Variants in DLG1 observed in about 807,000 individuals in gnomAD.
DLG1 encodes disks large homolog 1.
DLG1 carries 42 observed loss-of-function variants against 123.4 expected under a neutral mutation model. The ratio of observed to expected loss-of-function variants is 0.34; its 90% CI spans 0.27 to 0.44. The LOEUF (loss-of-function observed/expected upper bound fraction) is 0.44. DLG1 is among the 20% of genes least tolerant of loss of function. DLG1 has a pLI of 1.00. For missense variants in DLG1, 942 were observed against 1,082.6 expected, an observed-to-expected ratio of 0.87 and a Z score of 1.82; for synonymous variants, 317 against 356.2, an observed-to-expected ratio of 0.89 and a Z score of 1.24.
At chr3:197,170,908 T>C (rs1205762291) in intron 5 of DLG1, among the ~76,000 whole-genome samples, 1 of 152,222 alleles carries the variant, frequency 6.6e-6, no homozygotes, top group African/African-American at 2.4e-5. Flanking sequence ...TTAATTTTTG[T>C]ATGCACACTT....
intron 19 of DLG1, among the ~76,000 whole-genome samples, 169 bp downstream of exon 19, chr3:197,069,050 A>G (rs930652586): frequency 1.3e-5 from 2 of 152,080 alleles, no homozygotes; most frequent in Non-Finnish European, 2.9e-5. Context: ...CTCTACATAT[A>G]TAGTATGATT....
intron 11 of DLG1, among the ~76,000 whole-genome samples, chr3:197,127,467 T>C (rs1464238346): frequency 2.1e-5 from 1 of 48,022 alleles, no homozygotes; most frequent in Non-Finnish European, 3.6e-5. Flanking sequence ...AATATATATA[T>C]ATATATATAT....
intron 5 of DLG1, among the ~76,000 whole-genome samples, chr3:197,165,444 C>T (rs1800936015): frequency 6.6e-6 from 1 of 152,166 alleles, no homozygotes. Flanking sequence ...AGTGATGATA[C>T]TTGCACAACA....
chr3:197,268,582 G>A lies in DLG1; in HGVS notation c.318+14097C>T, dbSNP rs189438799. On this transcript the variant is annotated intron_variant, in intron 4 of 24. Coordinates refer to ENST00000667157, the MANE Select transcript of DLG1 (RefSeq NM_001366207.1). ...CTACAGGCATGAAGGCACCAACCACGCCTAATTTTTTTTTTTTGTAGGGAT... is the reference window on the plus strand; with the variant it reads ...CTACAGGCATGAAGGCACCAACCACACCTAATTTTTTTTTTTTGTAGGGAT... Among the ~76,000 whole-genome samples the A allele has an allele frequency of 2.6e-4, 39 of 151,518 alleles. No individual in the cohort carries two copies. In the East Asian group the frequency reaches 6.6e-3, roughly 26 times the overall value.
chr3:197,096,266 T>C (rs1760589148), intron 14 of DLG1, among the ~76,000 whole-genome samples: 1 of 152,242 alleles, frequency 6.6e-6, no homozygotes, highest in Non-Finnish European at 1.5e-5. Context: ...TTCCCTTCCA[T>C]ATTTGTAACT....
intron 11 of DLG1, among the ~76,000 whole-genome samples, chr3:197,120,882 T>A (rs1776000085): frequency 6.6e-6 from 1 of 152,232 alleles, no homozygotes; most frequent in Admixed American, 6.5e-5. Flanking sequence ...CAATGGCTCT[T>A]AACTTTGAAA....
intron 3 of DLG1, chr3:197,294,082 A>G (rs1776218034): frequency 1.3e-5 from 2 of 152,286 alleles, no homozygotes; most frequent in African/African-American, 4.8e-5. Context: ...TTATCAGACT[A>G]AACATTTTCA....
chr3:197,128,803 C>T (rs533185146), intron 11 of DLG1, among the ~76,000 whole-genome samples: 1 of 152,260 alleles, frequency 6.6e-6, no homozygotes, highest in East Asian at 1.9e-4. Flanking sequence ...CAGCTAGGTG[C>T]ATTGTCTCAG....
intron 4 of DLG1, among the ~76,000 whole-genome samples, chr3:197,277,776 AAACT>A (rs1299638114): frequency 1.3e-5 from 2 of 152,026 alleles, no homozygotes; most frequent in African/African-American, 4.8e-5. Flanking sequence ...ATAATCTCTA[AAACT>A]AACTCACTCT....
intron 16 of DLG1, among the ~76,000 whole-genome samples, chr3:197,083,864 A>G (rs1338060253): frequency 6.6e-6 from 1 of 152,132 alleles, no homozygotes; most frequent in Non-Finnish European, 1.5e-5. Context: ...CTGGAGTCCC[A>G]GCTACTAGCT....
intron 5 of DLG1, among the ~76,000 whole-genome samples, chr3:197,188,562 A>G (rs911367379): frequency 6.6e-6 from 1 of 152,220 alleles, no homozygotes; most frequent in African/African-American, 2.4e-5. Context: ...TGTGAAGACT[A>G]AAGCTGTGCC....
intron 16 of DLG1, among the ~76,000 whole-genome samples, chr3:197,082,365 G>C (rs1245564176): frequency 6.6e-6 from 1 of 151,574 alleles, no homozygotes; most frequent in African/African-American, 2.4e-5. Flanking sequence ...GCAAGACTCC[G>C]TCCCCCACCC....
intron 3 of DLG1, among the ~76,000 whole-genome samples, chr3:197,284,614 A>C (rs1770922069): frequency 6.6e-6 from 1 of 152,166 alleles, no homozygotes; most frequent in African/African-American, 2.4e-5. Flanking sequence ...CTTACCAAAT[A>C]CCAAAGAATT....
chr3:197,202,387 C>G (rs1726246203), intron 4 of DLG1, among the ~76,000 whole-genome samples: 1 of 152,088 alleles, frequency 6.6e-6, no homozygotes, highest in African/African-American at 2.4e-5. Flanking sequence ...GGAAAAAAAG[C>G]AAACTGAATC....
rs150278699 is a variant in DLG1 at position 197,181,467 on chromosome 3, CAATA to C, written c.483+12954_483+12957del. Among the ~76,000 whole-genome samples, 620 of 152,178 alleles carry C rather than the reference CAATA, an allele frequency of 4.1e-3. 4 individuals carry two copies. The highest frequency in any genetic ancestry group is 0.014 in the African/African-American group (600 of 41,524). The stretch of plus-strand genomic sequence containing the variant: ...AAATTTCAATCTACGTTGTTTCTAA[CAATA>C]AATCCCTTAGTGCTGCAAAAGAAAG... On this transcript the variant is annotated intron_variant, in intron 5 of 24. Coordinates refer to ENST00000667157, the MANE Select transcript of DLG1 (RefSeq NM_001366207.1).
At chr3:197,079,223 T>C (rs1475041454) in intron 17 of DLG1, among the ~76,000 whole-genome samples, 1 of 152,232 alleles carries the variant, frequency 6.6e-6, no homozygotes, top group Non-Finnish European at 1.5e-5. Context: ...TAAAATATCA[T>C]AAATTCATGA....
Position 197,113,746 on chromosome 3 carries a change from G to A in DLG1, c.1443+2181C>T, listed in dbSNP as rs369589942. On this transcript the variant is annotated intron_variant, in intron 13 of 24. Transcript: ENST00000667157. ...TTAAGATTAGATAAAGAAAATTTAA[G>A]CTGCTATAGTTTCAGATTAGATATA... Among the ~76,000 whole-genome samples, 4 of 152,078 alleles carry A rather than the reference G, an allele frequency of 2.6e-5. No homozygotes were observed. In the East Asian group the frequency reaches 7.7e-4, roughly 29 times the overall value.
chr3:197,138,440 T>C (rs888421225), intron 8 of DLG1, 49 bp from the exon 9 acceptor site: 5 of 1,057,908 alleles, frequency 4.7e-6, no homozygotes, highest in African/African-American at 1.7e-5. Context: ...ATAATTTAAA[T>C]ATAAATTTTC....
At chr3:197,284,101 T>C (rs568139112) in intron 3 of DLG1, among the ~76,000 whole-genome samples, 3 of 152,184 alleles carry the variant, frequency 2.0e-5, no homozygotes, top group South Asian at 4.2e-4. Context: ...CCTCAGGTGA[T>C]CTGCCCGCTT....
Sources: gnomAD v4.1 joint callset for allele counts (sites outside exome capture counted in the v4.1 genomes callset) on GRCh38, gnomAD v4.1.1 for gene constraint, MANE v1.5 for transcripts, NCBI Gene and HGNC (gene_info 2026-07-23, HGNC 2026-07-21) for gene names.